The following TXNDC11 variants were observed in gnomAD, a reference collection of about 807,000 sequenced individuals.
TXNDC11 encodes thioredoxin domain-containing protein 11.
TXNDC11 carries 68 observed loss-of-function variants against 78.0 expected under a neutral mutation model. The observed-to-expected ratio is 0.87, with a 90% confidence interval of 0.72 to 1.07. TXNDC11 has a LOEUF of 1.07. Ranked by LOEUF, TXNDC11 falls within the 50% of genes least tolerant of loss-of-function variation. TXNDC11 has a pLI of 0.00. For synonymous variants in TXNDC11, 571 were observed against 495.2 expected (o/e 1.15, Z -2.03); for missense variants, 1,389 against 1,221.8 (o/e 1.14, Z -2.04).
chr16:11,699,861 C>T (rs749810950), intron 6 of TXNDC11, among the ~76,000 whole-genome samples: 6 of 152,320 alleles, frequency 3.9e-5, no homozygotes, highest in Non-Finnish European at 5.9e-5. Context: ...ACAGAGTAGA[C>T]GCATAGGACT....
chr16:11,734,192 CTA>C (rs1251784115), intron 2 of TXNDC11, 113 bp from the exon 3 acceptor site: 3 of 761,016 alleles, frequency 3.9e-6, no homozygotes, highest in African/African-American at 3.6e-5. Context: ...GAAACAGAAA[CTA>C]TGAAAAAAAC....
chr16:11,722,446 C>T (rs2051737025), intron 4 of TXNDC11, among the ~76,000 whole-genome samples: 1 of 152,226 alleles, frequency 6.6e-6, no homozygotes. Flanking sequence ...GGCCCTGTGG[C>T]ACTCATTCAG....
At chr16:11,702,823 T>C (rs2051071075) in intron 5 of TXNDC11, among the ~76,000 whole-genome samples, 1 of 152,196 alleles carries the variant, frequency 6.6e-6, no homozygotes, top group Admixed American at 6.5e-5. Context: ...CTTTCAGTGG[T>C]GTGGTCCTCT....
At chr16:11,698,802 T>G (rs993684812) in intron 6 of TXNDC11, among the ~76,000 whole-genome samples, 1 of 152,228 alleles carries the variant, frequency 6.6e-6, no homozygotes, top group African/African-American at 2.4e-5. Flanking sequence ...AGGCTGTCTG[T>G]TCTGCTCACC....
At chr16:11,724,555 G>A (rs970299648) in intron 4 of TXNDC11, among the ~76,000 whole-genome samples, 1 of 152,082 alleles carries the variant, frequency 6.6e-6, no homozygotes, top group African/African-American at 2.4e-5. Flanking sequence ...CCTGACCTCA[G>A]GAGTTCCAAA....
At chr16:11,699,940 G>A (rs1006402285) in intron 6 of TXNDC11, among the ~76,000 whole-genome samples, 9 of 152,194 alleles carry the variant, frequency 5.9e-5, no homozygotes, top group Non-Finnish European at 8.8e-5. Flanking sequence ...AAATGAAATC[G>A]GGGAACAAAG....
intron 7 of TXNDC11, among the ~76,000 whole-genome samples, chr16:11,697,868 T>C (rs928925548): frequency 3.3e-5 from 5 of 152,196 alleles, no homozygotes; most frequent in South Asian, 4.1e-4. Context: ...ACGGTGTGGC[T>C]TCCCTGCCTC....
At chr16:11,697,536 G>C (rs1204044862) in intron 7 of TXNDC11, among the ~76,000 whole-genome samples, 1 of 152,212 alleles carries the variant, frequency 6.6e-6, no homozygotes, top group Non-Finnish European at 1.5e-5. Flanking sequence ...CTCACGCCCA[G>C]AGCAGGCGCA....
chr16:11,736,129 T>C lies in TXNDC11; in HGVS notation c.359A>G (p.Tyr120Cys). 1 of 1,614,194 alleles carries C rather than the reference T, an allele frequency of 6.2e-7. No individual in the cohort carries two copies. Among genetic ancestry groups the C allele is most frequent in the South Asian group, 1.1e-5 (1 of 91,088 alleles). ...LFQGQLDYAE[Y>C]VRRDSEVVLL... ...TACCACCTCTGAATCCCGTCGAACG[T>C]ACTCTGCATAATCCAGCTGCCCCTG... The change falls in exon 2 of 12, where the codon TAC (tyrosine) becomes TGC (cysteine). Residue 120 changes from tyrosine to cysteine, a missense_variant. By Grantham distance (194) the Tyr-to-Cys change is radical (BLOSUM62 -2). Transcript: ENST00000283033.
At chr16:11,697,785 G>C (rs999191607) in intron 7 of TXNDC11, among the ~76,000 whole-genome samples, 1 of 152,128 alleles carries the variant, frequency 6.6e-6, no homozygotes, top group East Asian at 1.9e-4. Context: ...GCCACTCCCT[G>C]TTTCACCCCC....
rs1417270782 is a variant in TXNDC11, at chr16:11,725,302, C to G, written c.700-3632G>C. ...AACAGGAAATGGCAAAACTCTGCTG[C>G]TTAAGAGCCATGGCATCATCCTTCA... On this transcript the variant is annotated intron_variant, in intron 4 of 11. Coordinates refer to ENST00000283033, the MANE Select transcript of TXNDC11 (RefSeq NM_015914.7). Among the ~76,000 whole-genome samples the G allele has an allele frequency of 3.3e-5, 5 of 151,550 alleles. No individual in the cohort carries two copies. The South Asian group carries it at 1.0e-3, about 31-fold the overall frequency.
chr16:11,679,098 AG>A lies in TXNDC11; in HGVS notation c.*96del. Reference sequence around the variant, plus strand: ...TTCAAGCTGATTTTCTAGACCACTGAGAAAATCTTTATTTACAATAAATTTC... The same window carrying A: ...TTCAAGCTGATTTTCTAGACCACTGAAAAATCTTTATTTACAATAAATTTC... On this transcript the variant is annotated 3_prime_UTR_variant, in exon 12 of 12. Transcript: ENST00000283033. This position sits in a 1 kb window ranked among gnomAD's most constrained non-coding sequence, Gnocchi z 4.6. The A allele has an allele frequency of 2.3e-6, 3 of 1,322,238 alleles. No individual in the cohort carries two copies. The highest frequency in any genetic ancestry group is 3.1e-6 in the Non-Finnish European group (3 of 968,822). 81.9% of individuals were successfully genotyped at this position (1,322,238 alleles called of 1,614,324 possible).
rs921087442 is a variant in TXNDC11 at position 11,691,166 on chromosome 16, T to C, written c.1900+124A>G. On this transcript the variant is annotated intron_variant, in intron 8 of 11. Coordinates refer to ENST00000283033, the MANE Select transcript of TXNDC11 (RefSeq NM_015914.7). ...TTATGACTGATGGTGGTCTAAAGAC[T>C]TAAAATGAGCTACGAAGGTGACATC... 2.5e-5 allele frequency: 20 copies of C among 800,204 alleles called. No homozygotes were observed. The Admixed American group carries it at 3.9e-4, about 16-fold the overall frequency. 49.6% of individuals were successfully genotyped at this position (800,204 alleles called of 1,614,324 possible).
intron 5 of TXNDC11, among the ~76,000 whole-genome samples, chr16:11,720,893 C>T (rs528880438): frequency 1.3e-5 from 2 of 151,802 alleles, no homozygotes; most frequent in East Asian, 4.0e-4. Context: ...AGGTGTGTAC[C>T]ACCACACGTG....
chr16:11,732,936 A>G (rs1272430563), intron 3 of TXNDC11, among the ~76,000 whole-genome samples: 1 of 152,178 alleles, frequency 6.6e-6, no homozygotes, highest in Non-Finnish European at 1.5e-5. Context: ...CTTCAAGCCA[A>G]TCACCCTGAA....
At chr16:11,714,504 G>T (rs1395846861) in intron 5 of TXNDC11, among the ~76,000 whole-genome samples, 1 of 152,148 alleles carries the variant, frequency 6.6e-6, no homozygotes, top group African/African-American at 2.4e-5. Flanking sequence ...GCCGGGCGTG[G>T]TGGCGGGCGC....
At chr16:11,724,792 C>T (rs930616656) in intron 4 of TXNDC11, among the ~76,000 whole-genome samples, 1 of 152,146 alleles carries the variant, frequency 6.6e-6, no homozygotes, top group African/African-American at 2.4e-5. Context: ...GTCGCCAAGG[C>T]TGGCGTGCAG....
At chr16:11,708,483 G>C (rs957635445) in intron 5 of TXNDC11, among the ~76,000 whole-genome samples, 4 of 152,148 alleles carry the variant, frequency 2.6e-5, no homozygotes, top group African/African-American at 9.7e-5. Flanking sequence ...TACACTGAAA[G>C]AACAGAGAGA....
chr16:11,701,488 G>C (rs547666810), intron 5 of TXNDC11, among the ~76,000 whole-genome samples: 1 of 152,164 alleles, frequency 6.6e-6, no homozygotes, highest in South Asian at 2.1e-4. Flanking sequence ...TTTGTTTCAT[G>C]CTAGTATCCC....
Sources: allele counts gnomAD v4.1 joint callset (sites outside exome capture counted in the v4.1 genomes callset), GRCh38; gene constraint gnomAD v4.1.1; non-coding constraint Gnocchi (gnomAD v3.1); transcripts MANE v1.5; gene names NCBI Gene and HGNC (gene_info 2026-07-23, HGNC 2026-07-21).